The following XKR6 variants were observed in gnomAD, a reference collection of about 807,000 sequenced individuals.
XKR6 encodes XK related 6.
A neutral mutation model predicts 56.7 loss-of-function variants in XKR6; 22 were observed. That is an observed-to-expected ratio of 0.39 (90% CI 0.28 to 0.55). XKR6 has a LOEUF of 0.55. Ranked by LOEUF, XKR6 falls within the 20% of genes least tolerant of loss-of-function variation. The pLI, the probability that XKR6 is intolerant of heterozygous loss-of-function variation, is 0.66. For synonymous variants in XKR6, 524 were observed against 387.8 expected, an observed-to-expected ratio of 1.35 and a Z score of -4.13; for missense variants, 852 against 889.0, an observed-to-expected ratio of 0.96 and a Z score of 0.53.
chr8:10,922,512 CAT>C (rs1800752284), intron 2 of XKR6, among the ~76,000 whole-genome samples: 2 of 152,242 alleles, frequency 1.3e-5, no homozygotes, highest in Admixed American at 1.3e-4. Context: ...ATTTCAAAGA[CAT>C]CCCTATGATG....
chr8:11,184,388 T>TACACACACACAC (rs6150466), intron 1 of XKR6, among the ~76,000 whole-genome samples: 1 of 146,156 alleles, frequency 6.8e-6, no homozygotes, highest in African/African-American at 2.5e-5. Context: ...TATACACACA[T>TACACACACACAC]ACACACACAC....
chr8:10,933,865 T>G (rs1472892232), intron 1 of XKR6, among the ~76,000 whole-genome samples: 2 of 103,628 alleles, frequency 1.9e-5, no homozygotes, highest in East Asian at 4.1e-4. Flanking sequence ...GGCTTAGGAT[T>G]GACTTGGCGA....
At chr8:10,913,921 A>G (rs1458329001) in intron 2 of XKR6, among the ~76,000 whole-genome samples, 1 of 152,180 alleles carries the variant, frequency 6.6e-6, no homozygotes, top group Non-Finnish European at 1.5e-5. Context: ...TATGTTGCAG[A>G]TAACAGGTTT....
intron 1 of XKR6, among the ~76,000 whole-genome samples, chr8:10,926,384 A>T (rs7822441): frequency 0.99 from 150,409 of 152,356 alleles, 74,260 homozygotes; most frequent in Middle Eastern, 1. Context: ...CCGCTCACCA[A>T]CTGATGAGGG....
At chr8:11,043,677 G>C (rs1358201733) in intron 1 of XKR6, among the ~76,000 whole-genome samples, 4 of 152,302 alleles carry the variant, frequency 2.6e-5, no homozygotes, top group African/African-American at 9.6e-5. Context: ...CCACTGAATG[G>C]TCCCACCCAC....
intron 1 of XKR6, among the ~76,000 whole-genome samples, chr8:10,938,134 G>A (rs987266968): frequency 2.0e-5 from 3 of 152,198 alleles, no homozygotes; most frequent in Non-Finnish European, 4.4e-5. Context: ...TCTGAAAAGC[G>A]CAATATTCGG....
At chr8:10,926,630 G>A (rs901234884) in intron 1 of XKR6, among the ~76,000 whole-genome samples, 1 of 152,250 alleles carries the variant, frequency 6.6e-6, no homozygotes, top group Admixed American at 6.5e-5. Context: ...GTCCTTCCAG[G>A]TATACAGTCT....
chr8:10,950,129 T>A (rs1420776731), intron 1 of XKR6, among the ~76,000 whole-genome samples: 1 of 151,854 alleles, frequency 6.6e-6, no homozygotes, highest in Non-Finnish European at 1.5e-5. Flanking sequence ...CCAGAAGAGG[T>A]CACAGCAGAG....
In XKR6 at chr8:11,198,930, AG is replaced by A. The variant is rs530468892; in HGVS notation, c.764+1645del. Among the ~76,000 whole-genome samples, 344 of 152,226 alleles carry A rather than the reference AG, an allele frequency of 2.3e-3. 1 individual carries two copies. The highest frequency in any genetic ancestry group is 7.7e-3 in the African/African-American group (320 of 41,512). Reference sequence around the variant, plus strand: ...CCCCAGCCCCCGCCCAAAAAAAAAAAGGTATCTCCAATACCAAACACACTAC... The same window carrying A: ...CCCCAGCCCCCGCCCAAAAAAAAAAAGTATCTCCAATACCAAACACACTAC... On this transcript the variant is annotated intron_variant, in intron 1 of 2. Coordinates refer to ENST00000416569, the MANE Select transcript of XKR6 (RefSeq NM_173683.4).
At chr8:11,039,692 C>G (rs549908175) in intron 1 of XKR6, among the ~76,000 whole-genome samples, 2 of 152,338 alleles carry the variant, frequency 1.3e-5, no homozygotes, top group African/African-American at 4.8e-5. Context: ...GGACTCCCAC[C>G]AATTCCCATC....
intron 2 of XKR6, among the ~76,000 whole-genome samples, chr8:10,917,435 C>T (rs978672186): frequency 2.0e-5 from 3 of 152,200 alleles, no homozygotes; most frequent in African/African-American, 4.8e-5. Flanking sequence ...TCGAGGTCTG[C>T]TTTTGATCAT....
chr8:11,134,944 T>C (rs1800305442), intron 1 of XKR6, among the ~76,000 whole-genome samples: 1 of 152,134 alleles, frequency 6.6e-6, no homozygotes, highest in South Asian at 2.1e-4. Context: ...TCCATTATAC[T>C]CTGCTGAAGT....
chr8:11,058,178 T>C (rs992333055), intron 1 of XKR6, among the ~76,000 whole-genome samples: 1 of 152,146 alleles, frequency 6.6e-6, no homozygotes, highest in African/African-American at 2.4e-5. Context: ...TCGGAATGGG[T>C]GAATTTTTAA....
At chr8:11,098,211 T>TCACA (rs371346914) in intron 1 of XKR6, among the ~76,000 whole-genome samples, 6,920 of 151,232 alleles carry the variant, frequency 0.046, 215 homozygotes, top group African/African-American at 0.081. Flanking sequence ...GGTGACTCTC[T>TCACA]CACACACACA....
In XKR6 at chr8:11,081,428, C is replaced by T. The variant is rs1442858019; in HGVS notation, c.764+119148G>A. Among the ~76,000 whole-genome samples, 5 of 152,284 alleles carry T rather than the reference C, an allele frequency of 3.3e-5. No homozygotes were observed. In the South Asian group the frequency reaches 1.0e-3, roughly 32 times the overall value. ...ATTGAAATGATTTTCATTATCTGCA[C>T]GACAGTTCATCACAAATATATTTGG... On this transcript the variant is annotated intron_variant, in intron 1 of 2. Transcript: ENST00000416569.
chr8:11,114,356 C>G (rs1386624160), intron 1 of XKR6, among the ~76,000 whole-genome samples: 1 of 152,100 alleles, frequency 6.6e-6, no homozygotes, highest in African/African-American at 2.4e-5. Flanking sequence ...TTATAAAACA[C>G]TGATTTATTT....
chr8:11,107,976 G>A (rs966718169), intron 1 of XKR6: 11 of 306,998 alleles, frequency 3.6e-5, no homozygotes, highest in African/African-American at 1.6e-4. Flanking sequence ...CTCTCCACTC[G>A]GTCCCAATAT....
At chr8:11,015,240 T>A (rs914376726) in intron 1 of XKR6, among the ~76,000 whole-genome samples, 3 of 152,022 alleles carry the variant, frequency 2.0e-5, no homozygotes, top group African/African-American at 7.3e-5. Context: ...AGTTCCAATT[T>A]CAACTTCCTT....
intron 1 of XKR6, among the ~76,000 whole-genome samples, chr8:10,981,444 G>A (rs763516428): frequency 6.6e-6 from 1 of 152,224 alleles, no homozygotes; most frequent in African/African-American, 2.4e-5. Flanking sequence ...TGCGGGTGAG[G>A]AGGACGAGCT....
Sources: allele counts gnomAD v4.1 joint callset (sites outside exome capture counted in the v4.1 genomes callset), GRCh38; gene constraint gnomAD v4.1.1; transcripts MANE v1.5; gene names NCBI Gene and HGNC (gene_info 2026-07-23, HGNC 2026-07-21).